Variants in DYNC2H1 observed in about 807,000 individuals in gnomAD.
DYNC2H1 encodes the protein dynein cytoplasmic 2 heavy chain 1, also known as cytoplasmic dynein 2 heavy chain 1.
Under a neutral mutation model 570.0 loss-of-function variants are expected in DYNC2H1, and 410 were observed. The ratio of observed to expected loss-of-function variants is 0.72; its 90% CI spans 0.66 to 0.78. The LOEUF (loss-of-function observed/expected upper bound fraction) is 0.78, where lower values mean the gene tolerates loss of function less well. Ranked by LOEUF, DYNC2H1 falls within the 30% of genes least tolerant of loss-of-function variation. DYNC2H1 has a pLI of 0.00. For synonymous variants in DYNC2H1, 1,688 were observed against 1,677.6 expected (o/e 1.01, Z -0.15); for missense variants, 4,865 against 5,046.4 (o/e 0.96, Z 1.09).
chr11:103,271,967 T>G (rs538089195), intron 70 of DYNC2H1, among the ~76,000 whole-genome samples: 4 of 152,304 alleles, frequency 2.6e-5, no homozygotes, highest in African/African-American at 9.6e-5. Context: ...GCTTTTACAC[T>G]GTTGGTGGGA....
chr11:103,219,339 C>T (rs749967044), intron 55 of DYNC2H1, among the ~76,000 whole-genome samples: 7 of 145,570 alleles, frequency 4.8e-5, no homozygotes, highest in South Asian at 2.2e-4. Flanking sequence ...TTCTGCTGGG[C>T]GCAGTGGCTC....
In DYNC2H1 at chr11:103,133,668, T is replaced by C; in HGVS notation, c.2067T>C (p.Asn689=). 1 of 1,612,488 alleles carries C rather than the reference T, an allele frequency of 6.2e-7. No individual in the cohort carries two copies. Among genetic ancestry groups the C allele is most frequent in the Non-Finnish European group, 8.5e-7 (1 of 1,179,234 alleles). ...QNAAERLATE[N]RKLRKWHTTF... ...CTGCTGAACGGCTTGCCACTGAAAA[T>C]AGAAAACTGAGAAAATGGCACACTA... is the stretch of plus-strand genomic sequence containing the variant. Residue 689 remains asparagine, a synonymous_variant, in exon 14 of 89, where the codon AAT becomes AAC. Coordinates refer to ENST00000375735, the MANE Select transcript of DYNC2H1 (RefSeq NM_001377.3). The surrounding 1 kb of genome is among the most constrained non-coding windows in gnomAD (Gnocchi z 4.8).
chr11:103,467,011 T>C (rs1306505000), intron 87 of DYNC2H1, among the ~76,000 whole-genome samples: 1 of 152,110 alleles, frequency 6.6e-6, no homozygotes, highest in Non-Finnish European at 1.5e-5. Flanking sequence ...AATTGTTGTA[T>C]ATTAACAAAA....
intron 20 of DYNC2H1, among the ~76,000 whole-genome samples, chr11:103,150,616 C>T (rs1003958758): frequency 6.6e-6 from 1 of 152,120 alleles, no homozygotes; most frequent in Non-Finnish European, 1.5e-5. Flanking sequence ...AAGGTAAGGA[C>T]TACAAATACA....
chr11:103,215,878 C>T lies in DYNC2H1; in HGVS notation c.8832+20C>T. ...ATGCAGGTAATGTTTAGAGTGACCA[C>T]AAAAATGAAAACAATATGGAGAGCA... On this transcript the variant is annotated intron_variant, in intron 55 of 88. Coordinates refer to ENST00000375735, the MANE Select transcript of DYNC2H1 (RefSeq NM_001377.3). 6.2e-7 allele frequency: 1 copy of T among 1,600,066 alleles called. No individual in the cohort carries two copies. The highest frequency in any genetic ancestry group is 8.5e-7 in the Non-Finnish European group (1 of 1,174,060).
chr11:103,177,419 T>C lies in DYNC2H1; in HGVS notation c.5875-137T>C, dbSNP rs1221336020. On this transcript the variant is annotated intron_variant, in intron 37 of 88. Transcript: ENST00000375735. The surrounding 1 kb of genome is among the most constrained non-coding windows in gnomAD (Gnocchi z 4.4). ...GTTCAGATTTATTTAGGTAGTCTAT[T>C]ACATTTTAGGCAATACCTTCCACTG... 3 of 720,962 alleles carry C rather than the reference T, an allele frequency of 4.2e-6. No individual in the cohort carries two copies. In the African/African-American group the frequency reaches 5.6e-5, roughly 14 times the overall value. 44.7% of individuals were successfully genotyped at this position (720,962 alleles called of 1,614,324 possible). A position where few individuals can be genotyped will look rare whatever the true frequency, so the allele number is the denominator to read the frequency against.
intron 86 of DYNC2H1, among the ~76,000 whole-genome samples, 159 bp from the exon 87 acceptor site, chr11:103,456,116 A>G (rs973822856): frequency 6.6e-6 from 1 of 152,182 alleles, no homozygotes; most frequent in Admixed American, 6.5e-5. Flanking sequence ...TTGAAAATTT[A>G]GTGTGAACTC....
intron 82 of DYNC2H1, among the ~76,000 whole-genome samples, chr11:103,350,483 A>T (rs1404832837): frequency 6.6e-6 from 1 of 152,096 alleles, no homozygotes; most frequent in African/African-American, 2.4e-5. Context: ...TTACCTTGCT[A>T]TGAGTTTAAA....
At chr11:103,222,466 C>T (rs552841364) in intron 58 of DYNC2H1, among the ~76,000 whole-genome samples, 1 of 152,098 alleles carries the variant, frequency 6.6e-6, no homozygotes, top group South Asian at 2.1e-4. Context: ...TGTCAGATAA[C>T]AACAGGTATC....
In DYNC2H1 at chr11:103,223,043, G is replaced by A. The variant is rs756567847; in HGVS notation, c.9310G>A (p.Glu3104Lys). ...CAATATTCAGTATTCCCATGTCTTG[G>A]AACGAATTCATCCTTTGGAAACTGA... ...KANIQYSHVLERIHPLETEQA... is the reference protein window; with the variant it reads ...KANIQYSHVLKRIHPLETEQA... The change falls in exon 59 of 89, where the codon GAA (glutamate) becomes AAA (lysine). Residue 3104 changes from glutamate to lysine, a missense_variant. Glu to Lys is a moderately conservative substitution (Grantham distance 56). Around this residue, in one of 5 missense-constraint regions of DYNC2H1, gnomAD observed 2,401 missense variants for 2,454.6 expected, o/e 0.98. Coordinates refer to ENST00000375735, the MANE Select transcript of DYNC2H1 (RefSeq NM_001377.3). 5.6e-6 allele frequency: 9 copies of A among 1,613,252 alleles called. No individual in the cohort carries two copies. In the South Asian group the frequency reaches 6.6e-5, roughly 12 times the overall value.
At chr11:103,327,271 G>A (rs564003290) in intron 82 of DYNC2H1, among the ~76,000 whole-genome samples, 2 of 152,114 alleles carry the variant, frequency 1.3e-5, no homozygotes, top group African/African-American at 2.4e-5. Flanking sequence ...GCTGCATCTA[G>A]TTAGCCATCT....
At chr11:103,250,016 A>G (rs901799176) in intron 65 of DYNC2H1, among the ~76,000 whole-genome samples, 1 of 152,096 alleles carries the variant, frequency 6.6e-6, no homozygotes, top group African/African-American at 2.4e-5. Flanking sequence ...GACATAATGC[A>G]CAATTTCCCA....
chr11:103,143,448 C>A, intron 18 of DYNC2H1, 53 bp downstream of exon 18: 1 of 1,507,280 alleles, frequency 6.6e-7, no homozygotes. Flanking sequence ...TTGACATGGA[C>A]AGTAAGGGAG....
At position 103,243,685 on chromosome 11, in the gene DYNC2H1, T is replaced by A. The variant is rs750689751; in HGVS notation, c.9820-8T>A. ...AAAAAACATTACTTTTCCTTTTTTT[T>A]ATACTAGAGTCGAGTGTGCCCATTT... On this transcript the variant is annotated splice_region_variant and splice_polypyrimidine_tract_variant and intron_variant, in intron 63 of 88. Transcript: ENST00000375735. The surrounding 1 kb of genome is among the most constrained non-coding windows in gnomAD (Gnocchi z 4.8). 20 of 1,575,420 alleles carry A rather than the reference T, an allele frequency of 1.3e-5. No individual in the cohort carries two copies. The African/African-American group carries it at 2.6e-4, about 20-fold the overall frequency.
intron 48 of DYNC2H1, 58 bp downstream of exon 48, chr11:103,198,121 A>G: frequency 6.7e-7 from 1 of 1,499,466 alleles, no homozygotes; most frequent in South Asian, 1.3e-5. Flanking sequence ...TTTTAAAAAT[A>G]TTTATTGTAA....
chr11:103,162,990 T>A (rs1178173338), intron 29 of DYNC2H1, 38 bp from the exon 30 acceptor site: 2 of 1,560,180 alleles, frequency 1.3e-6, no homozygotes, highest in African/African-American at 2.7e-5. Flanking sequence ...CAGTTTATTT[T>A]ATGTCTTGTT....
intron 82 of DYNC2H1, among the ~76,000 whole-genome samples, chr11:103,354,196 A>C (rs77284472): frequency 6.7e-6 from 1 of 149,840 alleles, no homozygotes; most frequent in Admixed American, 6.7e-5. Context: ...AAAAAAAAAA[A>C]AAAAAATCTC....
At chr11:103,328,631 G>GT (rs1203869019) in intron 82 of DYNC2H1, among the ~76,000 whole-genome samples, 6 of 152,164 alleles carry the variant, frequency 3.9e-5, no homozygotes, top group Non-Finnish European at 8.8e-5. Flanking sequence ...GTACAAATAT[G>GT]AAGGCCAAAA....
rs1350010389 is a variant in DYNC2H1, at chr11:103,211,823, C to T, written c.8574C>T (p.Ile2858=). Residue 2858 remains isoleucine (I), a synonymous_variant, in exon 54 of 89, where the codon ATC becomes ATT. Coordinates refer to ENST00000375735, the MANE Select transcript of DYNC2H1 (RefSeq NM_001377.3). ...ATTTTCTAAAATCATTTTTATTAAT[C>T]CATGAATCTTGTAAAGCATATGGTG... ...DPDFLKSFLL[I]HESCKAYGAT... 4.9e-6 allele frequency: 7 copies of T among 1,414,428 alleles called. No individual in the cohort carries two copies. Among genetic ancestry groups the T allele is most frequent in the Non-Finnish European group, 6.5e-6 (7 of 1,076,946 alleles). 87.6% of individuals were successfully genotyped at this position (1,414,428 alleles called of 1,614,324 possible).
Sources: allele counts gnomAD v4.1 joint callset (sites outside exome capture counted in the v4.1 genomes callset), GRCh38; gene constraint gnomAD v4.1.1; regional missense constraint gnomAD v4.1.1; non-coding constraint Gnocchi (gnomAD v3.1); transcripts MANE v1.5; gene names NCBI Gene and HGNC (gene_info 2026-07-23, HGNC 2026-07-21).